Variants in RAPH1 observed in about 807,000 individuals in gnomAD.
RAPH1 encodes the protein ras-associated and pleckstrin homology domains-containing protein 1.
Under a neutral mutation model 88.1 loss-of-function variants are expected in RAPH1, and 18 were observed. The ratio of observed to expected loss-of-function variants is 0.20; its 90% confidence interval spans 0.14 to 0.30. The LOEUF (loss-of-function observed/expected upper bound fraction) is 0.30, where lower values mean the gene tolerates loss of function less well. Ranked by LOEUF, RAPH1 falls within the 10% of genes least tolerant of loss-of-function variation. The probability of loss-of-function intolerance (pLI) is 1.00; values close to 1 mark genes in which losing one functional copy is unlikely to be tolerated. For synonymous variants in RAPH1, 587 were observed against 559.0 expected, an observed-to-expected ratio of 1.05 and a Z score of -0.71; for missense variants, 1,448 against 1,543.2, an observed-to-expected ratio of 0.94 and a Z score of 1.03.
At chr2:203,492,031 C>T (rs1018576274) in intron 2 of RAPH1, among the ~76,000 whole-genome samples, 51 of 152,020 alleles carry the variant, frequency 3.4e-4, no homozygotes, top group African/African-American at 8.2e-4. Flanking sequence ...GTCAGAAGTT[C>T]GAGACCAACT....
chr2:203,447,267 A>T (rs973465416), intron 12 of RAPH1: 1 of 151,742 alleles, frequency 6.6e-6, no homozygotes, highest in Non-Finnish European at 1.5e-5. Context: ...TAAAACGAAA[A>T]AACAAAAAGA....
chr2:203,514,431 G>A (rs1689503566), intron 1 of RAPH1, among the ~76,000 whole-genome samples: 1 of 152,166 alleles, frequency 6.6e-6, no homozygotes, highest in African/African-American at 2.4e-5. Flanking sequence ...GGTTATGAGA[G>A]AATAAAATTC....
chr2:203,457,725 T>C, intron 7 of RAPH1, 130 bp from the exon 8 acceptor site: 1 of 744,178 alleles, frequency 1.3e-6, no homozygotes, highest in Non-Finnish European at 2.3e-6. Context: ...AACTCTGATT[T>C]CTGTTGGTAT....
intron 1 of RAPH1, among the ~76,000 whole-genome samples, chr2:203,530,888 T>C (rs773924652): frequency 6.9e-6 from 1 of 145,688 alleles, no homozygotes; most frequent in African/African-American, 2.6e-5. Flanking sequence ...TAAGACTCCA[T>C]CTCAAAAAAA....
In RAPH1 at chr2:203,485,410, CAAA is replaced by C. The variant is rs71007521; in HGVS notation, c.732+4171_732+4173del. Among the ~76,000 whole-genome samples the C allele has an allele frequency of 1.9e-3, 178 of 93,448 alleles. 2 individuals are homozygous for C. The highest frequency in any genetic ancestry group is 5.6e-3 in the Middle Eastern group (1 of 180). The allele number at this position is 93,448 out of a possible 152,430, so 61.3% of individuals were successfully genotyped here. A position where few individuals can be genotyped will look rare whatever the true frequency, so the allele number is the denominator to read the frequency against. On this transcript the variant is annotated intron_variant, in intron 4 of 13. Coordinates refer to ENST00000319170, the MANE Select transcript of RAPH1 (RefSeq NM_213589.3). ...TGGACAACAGAGTGAGACTCTGTCT[CAAA>C]AAAAAAAAAAAAAAAAAGAGTTACA... is the stretch of plus-strand genomic sequence containing the variant.
intron 1 of RAPH1, among the ~76,000 whole-genome samples, chr2:203,506,800 A>ATATC (rs1559494423): frequency 6.3e-4 from 76 of 121,456 alleles, no homozygotes; most frequent in Non-Finnish European, 8.9e-4. Flanking sequence ...ATATCTATAT[A>ATATC]TATATCTATA....
chr2:203,494,428 TA>T (rs1688419690), intron 2 of RAPH1, among the ~76,000 whole-genome samples: 1 of 152,134 alleles, frequency 6.6e-6, no homozygotes. Flanking sequence ...CAAGATCGAA[TA>T]AAGCAAAATG....
At chr2:203,455,259 G>C (rs576323398) in intron 9 of RAPH1, among the ~76,000 whole-genome samples, 178 bp downstream of exon 9, 1 of 152,312 alleles carries the variant, frequency 6.6e-6, no homozygotes, top group African/African-American at 2.4e-5. Flanking sequence ...AGTGACCAGA[G>C]AAGTAAGAAC....
At chr2:203,502,055 T>C (rs1688761646) in intron 1 of RAPH1, among the ~76,000 whole-genome samples, 1 of 152,152 alleles carries the variant, frequency 6.6e-6, no homozygotes, top group East Asian at 1.9e-4. Flanking sequence ...TAAAGGAAGC[T>C]ACAGTCTCCT....
chr2:203,518,256 T>C (rs913230712), intron 1 of RAPH1, among the ~76,000 whole-genome samples: 3 of 152,026 alleles, frequency 2.0e-5, no homozygotes, highest in Non-Finnish European at 4.4e-5. Flanking sequence ...TGGTGCACAC[T>C]TGTAGTCCCA....
chr2:203,457,502 A>G, intron 8 of RAPH1, 28 bp downstream of exon 8: 1 of 1,586,980 alleles, frequency 6.3e-7, no homozygotes, highest in Non-Finnish European at 8.7e-7. Context: ...TAATTTTTAA[A>G]TGTGCAGGAA....
chr2:203,491,771 GTGT>G (rs1688278575), intron 2 of RAPH1, among the ~76,000 whole-genome samples: 1 of 152,198 alleles, frequency 6.6e-6, no homozygotes, highest in Non-Finnish European at 1.5e-5. Flanking sequence ...ATCTCCCTAA[GTGT>G]TGAGATTACA....
At chr2:203,482,536 T>G (rs1453295316) in intron 4 of RAPH1, among the ~76,000 whole-genome samples, 1 of 152,250 alleles carries the variant, frequency 6.6e-6, no homozygotes, top group African/African-American at 2.4e-5. Flanking sequence ...TTAAGAAAAC[T>G]TGATGATTGT....
intron 1 of RAPH1, among the ~76,000 whole-genome samples, chr2:203,520,839 C>T (rs1387582224): frequency 6.6e-6 from 1 of 152,048 alleles, no homozygotes; most frequent in Non-Finnish European, 1.5e-5. Flanking sequence ...ATTTGAAAAA[C>T]ACATATCTTG....
chr2:203,520,718 T>C (rs1027237534), intron 1 of RAPH1, among the ~76,000 whole-genome samples: 1 of 151,544 alleles, frequency 6.6e-6, no homozygotes, highest in African/African-American at 2.4e-5. Context: ...AAAGAAACCA[T>C]CAGACTCATA....
In RAPH1 at chr2:203,455,396, A is replaced by C. The variant is rs772379266; in HGVS notation, c.1302+41T>G. 4.4e-6 allele frequency: 7 copies of C among 1,589,092 alleles called. No individual in the cohort carries two copies. In the East Asian group the frequency reaches 1.3e-4, roughly 31 times the overall value. ...TACTCAATACAAATTAAAAGCAATT[A>C]GCATAATGAGGAAGTTCAAATTCCA... On this transcript the variant is annotated intron_variant, in intron 9 of 13. Coordinates refer to ENST00000319170, the MANE Select transcript of RAPH1 (RefSeq NM_213589.3).
chr2:203,457,033 G>A (rs1363541950), intron 8 of RAPH1, among the ~76,000 whole-genome samples: 1 of 151,920 alleles, frequency 6.6e-6, no homozygotes, highest in Non-Finnish European at 1.5e-5. Flanking sequence ...ATAATAAAGG[G>A]TCTTCAGTGG....
intron 4 of RAPH1, among the ~76,000 whole-genome samples, chr2:203,488,599 A>C (rs988228813): frequency 2.0e-5 from 3 of 148,400 alleles, no homozygotes; most frequent in African/African-American, 7.5e-5. Context: ...AAAAAAAAAA[A>C]AAAAAAAAAA....
intron 1 of RAPH1, among the ~76,000 whole-genome samples, chr2:203,516,932 G>T (rs1689639481): frequency 6.6e-6 from 1 of 151,802 alleles, no homozygotes; most frequent in African/African-American, 2.4e-5. Flanking sequence ...TACTCGGGAG[G>T]CTGAGGCAGG....
Sources: gnomAD v4.1 joint callset for allele counts (sites outside exome capture counted in the v4.1 genomes callset) on GRCh38, gnomAD v4.1.1 for gene constraint, MANE v1.5 for transcripts, NCBI Gene and HGNC (gene_info 2026-07-23, HGNC 2026-07-21) for gene names.